TMEM44: variants seen among roughly 807,000 people sequenced by gnomAD.
TMEM44 encodes the protein transmembrane protein 44.
A neutral mutation model predicts 47.8 loss-of-function variants in TMEM44; 43 were observed. The observed-to-expected ratio is 0.90, with a 90% confidence interval of 0.70 to 1.16. The LOEUF (loss-of-function observed/expected upper bound fraction) is 1.16, where lower values mean the gene tolerates loss of function less well. Ranked by LOEUF, TMEM44 falls within the 50% of genes most tolerant of loss-of-function variation. TMEM44 has a pLI of 0.00. For missense variants in TMEM44, 568 were observed against 555.2 expected, an observed-to-expected ratio of 1.02 and a Z score of -0.23; for synonymous variants, 277 against 238.8, an observed-to-expected ratio of 1.16 and a Z score of -1.48.
At chr3:194,627,756 T>C (rs935786159) in intron 2 of TMEM44, among the ~76,000 whole-genome samples, 6 of 152,110 alleles carry the variant, frequency 3.9e-5, no homozygotes, top group Admixed American at 2.6e-4. Context: ...GGCAGGCAGA[T>C]TGTCCTGAGG....
intron 5 of TMEM44, among the ~76,000 whole-genome samples, chr3:194,619,526 T>C (rs1716298084): frequency 1.3e-5 from 2 of 152,200 alleles, no homozygotes; most frequent in African/African-American, 4.8e-5. Context: ...GCACAACGCT[T>C]CACTCATCAG....
At chr3:194,630,396 G>A (rs1294906308) in intron 1 of TMEM44, among the ~76,000 whole-genome samples, 7 of 125,136 alleles carry the variant, frequency 5.6e-5, no homozygotes, top group Admixed American at 8.6e-5. Flanking sequence ...TGTTTCCGTC[G>A]GCATCACTGA....
chr3:194,616,630 C>T lies in TMEM44; in HGVS notation c.783+469G>A, dbSNP rs527304160. On this transcript the variant is annotated intron_variant, in intron 6 of 9. Coordinates refer to ENST00000347147, the MANE Select transcript of TMEM44 (RefSeq NM_001011655.3). ...AGATTCCCCTCTTAGCGCCTGCAGA[C>T]GGCGTGGCCCTGCCTTGCCTTCACA... The T allele has an allele frequency of 2.1e-4, 96 of 456,546 alleles. 1 individual carries two copies. Among genetic ancestry groups the T allele is most frequent in the African/African-American group, 1.5e-3 (74 of 50,174 alleles). 28.3% of individuals were successfully genotyped at this position (456,546 alleles called of 1,614,324 possible).
At chr3:194,630,392 C>T (rs1425267413) in intron 1 of TMEM44, among the ~76,000 whole-genome samples, 3 of 123,720 alleles carry the variant, frequency 2.4e-5, no homozygotes, top group Admixed American at 8.7e-5. Context: ...TGGCTGTTTC[C>T]GTCGGCATCA....
At position 194,604,276 on chromosome 3, in the gene TMEM44, C is replaced by T. The variant is rs763683392; in HGVS notation, c.1176+11G>A. 7.6e-6 allele frequency: 12 copies of T among 1,574,384 alleles called. No homozygotes were observed. The highest frequency in any genetic ancestry group is 4.8e-5 in the East Asian group (2 of 41,952). ...ACCCACGCACCCGCCCAGCAGGCAA[C>T]AGCCGTGTACCTCCAGGTCGGAGTT... On this transcript the variant is annotated intron_variant, in intron 9 of 9. Coordinates refer to ENST00000347147, the MANE Select transcript of TMEM44 (RefSeq NM_001011655.3).
At chr3:194,594,720 G>A (rs1577151144) in intron 9 of TMEM44, among the ~76,000 whole-genome samples, 1 of 151,804 alleles carries the variant, frequency 6.6e-6, no homozygotes, top group Non-Finnish European at 1.5e-5. Context: ...TATAAAGGAG[G>A]GTTGAAAAAG....
intron 8 of TMEM44, 147 bp from the exon 9 acceptor site, chr3:194,604,592 C>T: frequency 2.0e-6 from 2 of 981,200 alleles, no homozygotes; most frequent in Non-Finnish European, 1.4e-6. Context: ...CCCTGGCCAT[C>T]CAGCTCTCCC....
At chr3:194,592,941 G>T in intron 9 of TMEM44, 1 of 1,397,402 alleles carries the variant, frequency 7.2e-7, no homozygotes, top group Non-Finnish European at 1.0e-6. Flanking sequence ...GAAGGAATTT[G>T]TCATGGGTCT....
At chr3:194,591,420 G>A (rs1029701038) in intron 9 of TMEM44, among the ~76,000 whole-genome samples, 10 of 152,214 alleles carry the variant, frequency 6.6e-5, no homozygotes, top group Admixed American at 3.9e-4. Context: ...TTTGAACCCC[G>A]GAGGCGGAGG....
intron 7 of TMEM44, among the ~76,000 whole-genome samples, chr3:194,614,186 A>T (rs886282154): frequency 2.0e-5 from 3 of 152,172 alleles, no homozygotes; most frequent in African/African-American, 7.2e-5. Flanking sequence ...TAGAGTAAGT[A>T]GTTACATTGC....
intron 7 of TMEM44, among the ~76,000 whole-genome samples, chr3:194,612,402 C>A (rs1308167228): frequency 6.6e-6 from 1 of 152,188 alleles, no homozygotes; most frequent in East Asian, 1.9e-4. Flanking sequence ...GTCACATACA[C>A]CACGATCTTC....
intron 5 of TMEM44, 75 bp from the exon 6 acceptor site, chr3:194,617,344 G>C (rs1353830605): frequency 7.0e-7 from 1 of 1,433,582 alleles, no homozygotes; most frequent in African/African-American, 1.4e-5. Flanking sequence ...TGGCACAGCA[G>C]GTTGCGGGGC....
intron 9 of TMEM44, among the ~76,000 whole-genome samples, chr3:194,595,909 GC>G (rs1202037931): frequency 6.6e-6 from 1 of 152,132 alleles, no homozygotes; most frequent in African/African-American, 2.4e-5. Context: ...ACAAGCGTGA[GC>G]CACCGCACCC....
chr3:194,599,731 C>G (rs1304080198), intron 9 of TMEM44, among the ~76,000 whole-genome samples: 1 of 144,918 alleles, frequency 6.9e-6, no homozygotes, highest in East Asian at 2.0e-4. Flanking sequence ...ATTACAGGCA[C>G]GTGCCACTGC....
intron 9 of TMEM44, among the ~76,000 whole-genome samples, chr3:194,590,989 T>C (rs1292790558): frequency 6.6e-6 from 1 of 150,398 alleles, no homozygotes; most frequent in Non-Finnish European, 1.5e-5. Context: ...AGGTCAGGAG[T>C]TCAAGACCAG....
intron 9 of TMEM44, among the ~76,000 whole-genome samples, chr3:194,590,956 G>A (rs1265809572): frequency 6.6e-6 from 1 of 152,202 alleles, no homozygotes; most frequent in Non-Finnish European, 1.5e-5. Context: ...CACTTTGGGA[G>A]ACTGAGGCGG....
intron 2 of TMEM44, among the ~76,000 whole-genome samples, chr3:194,627,492 C>T (rs911079524): frequency 6.6e-6 from 1 of 152,172 alleles, no homozygotes; most frequent in African/African-American, 2.4e-5. Context: ...TTCTCACTTG[C>T]CCCAAAGCCT....
At chr3:194,590,973 C>T (rs1560153398) in intron 9 of TMEM44, among the ~76,000 whole-genome samples, 1 of 152,160 alleles carries the variant, frequency 6.6e-6, no homozygotes, top group Non-Finnish European at 1.5e-5. Context: ...GCGGGCAGAT[C>T]ACCTAAGGTC....
intron 2 of TMEM44, among the ~76,000 whole-genome samples, 191 bp from the exon 3 acceptor site, chr3:194,626,181 G>A (rs954618555): frequency 1.3e-5 from 2 of 152,164 alleles, no homozygotes; most frequent in Admixed American, 6.5e-5. Context: ...GAGGAGATGA[G>A]GTGTTTACAT....
Sources: allele counts gnomAD v4.1 joint callset (sites outside exome capture counted in the v4.1 genomes callset), GRCh38; gene constraint gnomAD v4.1.1; transcripts MANE v1.5; gene names NCBI Gene and HGNC (gene_info 2026-07-23, HGNC 2026-07-21).